Variants in GPR108 observed in about 807,000 individuals in gnomAD.
The protein encoded by GPR108 is G protein-coupled receptor 108.
A neutral mutation model predicts 74.3 loss-of-function variants in GPR108; 60 were observed. The ratio of observed to expected loss-of-function variants is 0.81; its 90% CI spans 0.66 to 1.00. The LOEUF (loss-of-function observed/expected upper bound fraction) is 1.00. GPR108 is among the 50% of genes least tolerant of loss of function. The probability of loss-of-function intolerance (pLI) is 0.00; values close to 1 mark genes in which losing one functional copy is unlikely to be tolerated. For synonymous variants in GPR108, 311 were observed against 292.4 expected (o/e 1.06, Z -0.65); for missense variants, 667 against 703.3 (o/e 0.95, Z 0.58).
rs563970048 is a variant in GPR108, at chr19:6,734,207, T to A, written c.475A>T (p.Thr159Ser). ...CCGCCATCCACCTTGCGGGGGACTG[T>A]GGCCTGTGGCTTCGGGAGCCCTGGT... ...SKPGLPKPQA[T>S]VPRKVDGGGT... Residue 159 changes from threonine (T) to serine (S), a missense_variant, in exon 5 of 18, where the codon ACA becomes TCA. By Grantham distance (58) the Thr-to-Ser change is moderately conservative. Transcript: ENST00000264080. 4.3e-6 allele frequency: 7 copies of A among 1,614,208 alleles called. No homozygotes were observed. The African/African-American group carries it at 9.3e-5, about 22-fold the overall frequency.
In GPR108 at chr19:6,732,006, C is replaced by T; in HGVS notation, c.1256+19G>A. The T allele has an allele frequency of 6.2e-7, 1 of 1,613,690 alleles. No individual in the cohort carries two copies. Among genetic ancestry groups the T allele is most frequent in the East Asian group, 2.2e-5 (1 of 44,866 alleles). On this transcript the variant is annotated intron_variant, in intron 13 of 17. Coordinates refer to ENST00000264080, the MANE Select transcript of GPR108 (RefSeq NM_001080452.2). ...CATGTGCACAGGGCAGAGCCTCAGCCCGGGGGCAGGGTCCTCACCAGACTA... is the reference window on the plus strand; with the variant it reads ...CATGTGCACAGGGCAGAGCCTCAGCTCGGGGGCAGGGTCCTCACCAGACTA...
chr19:6,730,486 G>A, intron 17 of GPR108, 102 bp from the exon 18 acceptor site: 1 of 949,630 alleles, frequency 1.1e-6, no homozygotes, highest in South Asian at 1.4e-5. Context: ...CCCAACCACA[G>A]CAGCCCTGGC....
intron 6 of GPR108, 42 bp from the exon 7 acceptor site, chr19:6,733,955 C>G (rs769047011): frequency 1.2e-6 from 2 of 1,614,164 alleles, no homozygotes; most frequent in Non-Finnish European, 1.7e-6. Flanking sequence ...TCTGGGTCCC[C>G]GCAGGGCCCT....
chr19:6,735,821 A>G, intron 3 of GPR108, 87 bp downstream of exon 3: 2 of 1,527,002 alleles, frequency 1.3e-6, no homozygotes, highest in Non-Finnish European at 1.8e-6. Flanking sequence ...GACAAAGAAC[A>G]GGGGCCCTTG....
At chr19:6,736,433 C>T (rs1278771206) in intron 2 of GPR108, among the ~76,000 whole-genome samples, 159 bp downstream of exon 2, 1 of 152,158 alleles carries the variant, frequency 6.6e-6, no homozygotes, top group Non-Finnish European at 1.5e-5. Context: ...CCTAGCACAT[C>T]CTGTGTAAGA....
At chr19:6,730,905 C>T (rs1472381512) in intron 17 of GPR108, 82 bp downstream of exon 17, 1 of 993,796 alleles carries the variant, frequency 1.0e-6, no homozygotes, top group Non-Finnish European at 1.5e-6. Flanking sequence ...AGTCCCTCCC[C>T]CCTGCCCACC....
chr19:6,737,328 A>G, intron 1 of GPR108, 129 bp downstream of exon 1: 1 of 1,215,770 alleles, frequency 8.2e-7, no homozygotes, highest in East Asian at 3.1e-5. Flanking sequence ...CGGGCCCGGA[A>G]ACGGGGGGCG....
At position 6,737,471 on chromosome 19, in the gene GPR108, G is replaced by C. The variant is rs1377511109; in HGVS notation, c.106C>G (p.Gln36Glu). The change falls in exon 1 of 18, where the codon CAG (glutamine) becomes GAG (glutamate). Residue 36 changes from glutamine (Q) to glutamate (E), a missense_variant. Coordinates refer to ENST00000264080, the MANE Select transcript of GPR108 (RefSeq NM_001080452.2). The part of the protein sequence containing the change: ...LLGGCSGRIH[Q>E]LALTGEKRAD... ...GCGGGCCTCACCGTCAGCGCCAGCT[G>C]GTGGATGCGCCCGGAGCAGCCACCC... 1.3e-6 allele frequency: 2 copies of C among 1,585,592 alleles called. No homozygotes were observed. The highest frequency in any genetic ancestry group is 1.4e-5 in the African/African-American group (1 of 72,884).
chr19:6,733,552 G>GC lies in GPR108; in HGVS notation c.723+17dup. ...GCAGGGGGCGCTCCCTGGCCCTGCT[G>GC]CCCTCCACTCCGCTCACCGTGATGT... On this transcript the variant is annotated intron_variant, in intron 8 of 17. Coordinates refer to ENST00000264080, the MANE Select transcript of GPR108 (RefSeq NM_001080452.2). 3 of 1,607,630 alleles carry GC rather than the reference G, an allele frequency of 1.9e-6. No individual in the cohort carries two copies. The highest frequency in any genetic ancestry group is 1.7e-6 in the Non-Finnish European group (2 of 1,174,176).
intron 2 of GPR108, among the ~76,000 whole-genome samples, chr19:6,736,211 C>G (rs1045177269): frequency 6.6e-6 from 1 of 152,182 alleles, no homozygotes; most frequent in African/African-American, 2.4e-5. Flanking sequence ...CCTCTCACCT[C>G]GGCCTCCCGA....
intron 17 of GPR108, chr19:6,730,619 C>T: frequency 1.7e-6 from 1 of 573,408 alleles, no homozygotes; most frequent in South Asian, 2.0e-5. Flanking sequence ...CCCACCCACT[C>T]TACCCGTAAC....
rs1357901815 is a variant in GPR108 at position 6,737,546 on chromosome 19, G to A, written c.31C>T (p.Arg11Cys). The A allele has an allele frequency of 5.8e-6, 9 of 1,540,934 alleles. No individual in the cohort carries two copies. Among genetic ancestry groups the A allele is most frequent in the South Asian group, 1.2e-5 (1 of 85,206 alleles). ...TGCCCCCACTCCGCGGGGCTCCCGC[G>A]GCCGAGCCCCCTCCTCTCGCTCACT... MAVSERRGLG[R>C]GSPAEWGQRL... Residue 11 changes from arginine to cysteine, a missense_variant, in exon 1 of 18, where the codon CGC becomes TGC. Arg to Cys is a radical substitution (Grantham distance 180). Coordinates refer to ENST00000264080, the MANE Select transcript of GPR108 (RefSeq NM_001080452.2).
chr19:6,731,832 G>A (rs2145467375), intron 14 of GPR108, 59 bp downstream of exon 14: 1 of 1,590,028 alleles, frequency 6.3e-7, no homozygotes, highest in Non-Finnish European at 8.6e-7. Context: ...GGGGCAGAAA[G>A]AAGGGCCCGG....
rs1258121879 is a variant in GPR108 at position 6,734,266 on chromosome 19, A to T, written c.416T>A (p.Ile139Asn). The T allele has an allele frequency of 6.2e-7, 1 of 1,614,080 alleles. No individual in the cohort carries two copies. The highest frequency in any genetic ancestry group is 1.1e-5 in the South Asian group (1 of 91,080). ...RKYGEQKTLF[I>N]FPGLLPEAPS... ...TGCTTCCGGGAGGAGCCCGGGAAAGATAAACAACGTCTTCTGCTCTCCATA... is the reference window on the plus strand; with the variant it reads ...TGCTTCCGGGAGGAGCCCGGGAAAGTTAAACAACGTCTTCTGCTCTCCATA... Residue 139 changes from isoleucine to asparagine, a missense_variant, in exon 5 of 18, where the codon ATC (isoleucine) becomes AAC (asparagine). Physicochemically the swap from Ile to Asn is moderately radical, Grantham distance 149. Transcript: ENST00000264080.
At chr19:6,735,775 C>T in intron 3 of GPR108, 71 bp from the exon 4 acceptor site, 1 of 1,554,678 alleles carries the variant, frequency 6.4e-7, no homozygotes, top group Non-Finnish European at 8.8e-7. Flanking sequence ...TGTCTCCCTC[C>T]CTGTCCACCC....
chr19:6,730,456 T>A (rs1276190452), intron 17 of GPR108, 72 bp from the exon 18 acceptor site: 2 of 1,302,930 alleles, frequency 1.5e-6, no homozygotes, highest in African/African-American at 1.5e-5. Context: ...CCGGAACCAC[T>A]CAGGCCCCGC....
rs758135393 is a variant in GPR108 at position 6,733,035 on chromosome 19, G to A, written c.885C>T (p.Leu295=). 2.5e-6 allele frequency: 4 copies of A among 1,612,720 alleles called. No individual in the cohort carries two copies. The East Asian group carries it at 8.9e-5, about 36-fold the overall frequency. ...NTYSVFKIHW[L]MAALAFTKSI... is the part of the protein sequence containing the mutation. Reference sequence around the variant, plus strand: ...TCTTGGTGAAGGCCAAGGCCGCCATGAGCCAGTGGATCTTGAAGACGCTGT... The same window carrying A: ...TCTTGGTGAAGGCCAAGGCCGCCATAAGCCAGTGGATCTTGAAGACGCTGT... Residue 295 remains leucine (L), a synonymous_variant, in exon 10 of 18, where the codon CTC becomes CTT. Transcript: ENST00000264080.
intron 17 of GPR108, 55 bp from the exon 18 acceptor site, chr19:6,730,439 A>ACCGG: frequency 6.8e-7 from 1 of 1,477,658 alleles, no homozygotes; most frequent in Non-Finnish European, 9.4e-7. Context: ...GGCCCCACCC[A>ACCGG]CTCTACCCGG....
Position 6,737,398 on chromosome 19 carries a change from G to A in GPR108, c.120+59C>T, listed in dbSNP as rs975800263. Reference sequence around the variant, plus strand: ...GCGGACGAGACCACTCCAAGCCAGGGGGCTTCTCCGAGACAAAGTTGCGCC... The same window carrying A: ...GCGGACGAGACCACTCCAAGCCAGGAGGCTTCTCCGAGACAAAGTTGCGCC... On this transcript the variant is annotated intron_variant, in intron 1 of 17. Transcript: ENST00000264080. 5 of 1,553,568 alleles carry A rather than the reference G, an allele frequency of 3.2e-6. No homozygotes were observed. The Admixed American group carries it at 9.3e-5, about 29-fold the overall frequency.
Sources: allele counts gnomAD v4.1 joint callset (sites outside exome capture counted in the v4.1 genomes callset), GRCh38; gene constraint gnomAD v4.1.1; transcripts MANE v1.5; gene names NCBI Gene and HGNC (gene_info 2026-07-23, HGNC 2026-07-21).